The following EBF1 variants were observed in gnomAD, a reference collection of about 807,000 sequenced individuals.
The protein encoded by EBF1 is transcription factor COE1.
Under a neutral mutation model 68.4 loss-of-function variants are expected in EBF1, and 10 were observed. The ratio of observed to expected loss-of-function variants is 0.15; its 90% CI spans 0.09 to 0.25. The LOEUF is 0.25. Among genes scored for constraint, EBF1 ranks in the 10% least tolerant of loss-of-function variants. EBF1 has a pLI of 1.00. For missense variants in EBF1, 509 were observed against 794.4 expected (o/e 0.64, Z 4.32); for synonymous variants, 298 against 299.8 (o/e 0.99, Z 0.06).
chr5:158,938,640 C>T (rs556997187), intron 6 of EBF1, among the ~76,000 whole-genome samples: 1 of 152,338 alleles, frequency 6.6e-6, no homozygotes, highest in African/African-American at 2.4e-5. Context: ...AGAGGGCTGC[C>T]TTCTTGCTGC....
chr5:159,095,211 C>T (rs1782373042), intron 4 of EBF1, among the ~76,000 whole-genome samples: 1 of 152,200 alleles, frequency 6.6e-6, no homozygotes, highest in African/African-American at 2.4e-5. Context: ...ACCCCTCCTC[C>T]GCCCCCTCAG....
chr5:158,823,410 A>G (rs1376262075), intron 7 of EBF1, 93 bp from the exon 8 acceptor site: 12 of 1,219,162 alleles, frequency 9.8e-6, no homozygotes, highest in East Asian at 2.5e-5. Flanking sequence ...TGGGAGCTGA[A>G]GAAAATTGCA....
At chr5:158,762,520 A>C (rs1485445315) in intron 10 of EBF1, among the ~76,000 whole-genome samples, 1 of 152,014 alleles carries the variant, frequency 6.6e-6, no homozygotes, top group Non-Finnish European at 1.5e-5. Context: ...ATATAATACA[A>C]TCTTGATTTT....
chr5:159,076,755 A>C (rs1050176327), intron 5 of EBF1, among the ~76,000 whole-genome samples: 43 of 152,280 alleles, frequency 2.8e-4, no homozygotes, highest in African/African-American at 1.0e-3. Context: ...TGCACCTCAA[A>C]ATAATGTCTG....
intron 10 of EBF1, among the ~76,000 whole-genome samples, chr5:158,768,333 T>G (rs951326977): frequency 1.3e-5 from 2 of 152,120 alleles, no homozygotes; most frequent in African/African-American, 2.4e-5. Flanking sequence ...TTGTTTTAAA[T>G]TCATAACTCC....
chr5:159,019,954 T>C (rs1267056978), intron 6 of EBF1, among the ~76,000 whole-genome samples: 2 of 152,072 alleles, frequency 1.3e-5, no homozygotes, highest in Non-Finnish European at 2.9e-5. Context: ...AAGCTAAGGA[T>C]AAAAAAGAAC....
At chr5:158,992,895 T>C (rs72813908) in intron 6 of EBF1, among the ~76,000 whole-genome samples, 4,405 of 150,820 alleles carry the variant, frequency 0.029, 92 homozygotes, top group Non-Finnish European at 0.046. Flanking sequence ...AAGGGGTATA[T>C]TAAGAGCCCT....
intron 10 of EBF1, among the ~76,000 whole-genome samples, chr5:158,768,961 C>T (rs1370979587): frequency 6.6e-6 from 1 of 152,136 alleles, no homozygotes; most frequent in African/African-American, 2.4e-5. Context: ...CAAAACTTTA[C>T]AGTGTTGCAT....
intron 6 of EBF1, among the ~76,000 whole-genome samples, chr5:158,998,889 A>G (rs1427441903): frequency 6.6e-6 from 1 of 152,088 alleles, no homozygotes; most frequent in Non-Finnish European, 1.5e-5. Flanking sequence ...ACTGTGCCGG[A>G]TCGCGATGTA....
At chr5:158,786,899 T>G (rs967607476) in intron 9 of EBF1, among the ~76,000 whole-genome samples, 1 of 152,160 alleles carries the variant, frequency 6.6e-6, no homozygotes, top group Non-Finnish European at 1.5e-5. Context: ...ACCAAAAGAC[T>G]TGTAGAGTCT....
intron 6 of EBF1, among the ~76,000 whole-genome samples, chr5:158,972,984 C>T (rs1755955541): frequency 6.6e-6 from 1 of 152,220 alleles, no homozygotes; most frequent in South Asian, 2.1e-4. Context: ...GAGGCTTTTT[C>T]TAGTTACTGT....
intron 14 of EBF1, among the ~76,000 whole-genome samples, chr5:158,708,585 T>C (rs748233982): frequency 3.8e-4 from 58 of 151,998 alleles, no homozygotes; most frequent in Non-Finnish European, 7.5e-4. Flanking sequence ...TGCAACACCC[T>C]CTTATGAGGG....
At position 159,099,634 on chromosome 5, in the gene EBF1, C is replaced by G; in HGVS notation, c.-156G>C. ...TGAACTCGCACTTAGAAGATCAAGG[C>G]GGGCTGGAAAGCAAATTTTTAAAAA... On this transcript the variant is annotated 5_prime_UTR_variant, in exon 1 of 16. Coordinates refer to ENST00000313708, the MANE Select transcript of EBF1 (RefSeq NM_024007.5). 9.4e-7 allele frequency: 1 copy of G among 1,067,572 alleles called. No individual in the cohort carries two copies. Among genetic ancestry groups the G allele is most frequent in the Non-Finnish European group, 1.3e-6 (1 of 797,306 alleles). 66.1% of individuals were successfully genotyped at this position (1,067,572 alleles called of 1,614,324 possible).
intron 6 of EBF1, among the ~76,000 whole-genome samples, chr5:159,019,721 C>T (rs771857981): frequency 1.6e-4 from 24 of 152,144 alleles, no homozygotes; most frequent in Non-Finnish European, 2.8e-4. Context: ...GTGCCAACAG[C>T]GATTTGCATT....
intron 6 of EBF1, among the ~76,000 whole-genome samples, chr5:158,874,302 T>C (rs964973878): frequency 6.6e-6 from 1 of 152,156 alleles, no homozygotes; most frequent in Non-Finnish European, 1.5e-5. Context: ...GATACAACTA[T>C]AGTATGTTCC....
chr5:159,041,249 C>T (rs1422772903), intron 6 of EBF1, among the ~76,000 whole-genome samples: 1 of 152,168 alleles, frequency 6.6e-6, no homozygotes, highest in Non-Finnish European at 1.5e-5. Flanking sequence ...GCAAACACTG[C>T]ATGGAAAAGG....
chr5:158,787,549 A>G (rs73297926), intron 9 of EBF1, among the ~76,000 whole-genome samples: 2,398 of 152,316 alleles, frequency 0.016, 65 homozygotes, highest in African/African-American at 0.054. Flanking sequence ...CTCTGGATAA[A>G]TGAATTTTAT....
rs555161971 is a variant in EBF1 at position 159,033,008 on chromosome 5, C to A, written c.554+40388G>T. Among the ~76,000 whole-genome samples the A allele has an allele frequency of 5.3e-5, 8 of 152,244 alleles. No individual in the cohort carries two copies. In the South Asian group the frequency reaches 1.7e-3, roughly 32 times the overall value. On this transcript the variant is annotated intron_variant, in intron 6 of 15. Transcript: ENST00000313708. ...ACCTTCTCCACCCTCCCACATCCGC[C>A]CCCACCCCCAAACTAAATATAGAGA...
chr5:158,816,567 G>A (rs1159172294), intron 8 of EBF1, among the ~76,000 whole-genome samples: 1 of 152,160 alleles, frequency 6.6e-6, no homozygotes, highest in Admixed American at 6.5e-5. Flanking sequence ...TGGTGGGAGG[G>A]GAGAGAGAAA....
Sources: gnomAD v4.1 joint callset for allele counts (sites outside exome capture counted in the v4.1 genomes callset) on GRCh38, gnomAD v4.1.1 for gene constraint, MANE v1.5 for transcripts, NCBI Gene and HGNC (gene_info 2026-07-23, HGNC 2026-07-21) for gene names.